Variants in PMP22 observed in about 807,000 individuals in gnomAD.
The protein encoded by PMP22 is Charcot-Marie-Tooth neuropathy 1A (greatly reduced nerve conduction velocity, hereditary motor sensory neuropathy Ia).
In PMP22, 2 loss-of-function variants were observed where a neutral mutation model predicts 18.9. The observed-to-expected ratio is 0.11, with a 90% CI of 0.04 to 0.33. The LOEUF (loss-of-function observed/expected upper bound fraction) is 0.33. PMP22 is among the 10% of genes least tolerant of loss of function. The pLI is 1.00. For missense variants in PMP22, 169 were observed against 202.2 expected, an observed-to-expected ratio of 0.84 and a Z score of 1.00; for synonymous variants, 95 against 89.2, an observed-to-expected ratio of 1.07 and a Z score of -0.37.
rs117789746 is a variant in PMP22, at chr17:15,263,425, T to C, written c.-35+1729A>G. On this transcript the variant is annotated intron_variant, in intron 1 of 4. Transcript: ENST00000312280. ...CCTCCTAACGTGGCCCGCCCAGCGT[T>C]ACAGGGAGAGAGGCTAGCCCCCTTC... 7.8e-3 allele frequency among the ~76,000 whole-genome samples: 1,189 copies of C among 152,162 alleles called. 7 individuals are homozygous for C. The highest frequency in any genetic ancestry group is 0.012 in the Non-Finnish European group (825 of 67,986).
intron 4 of PMP22, among the ~76,000 whole-genome samples, chr17:15,231,834 G>C (rs994807148): frequency 6.6e-6 from 1 of 152,178 alleles, no homozygotes; most frequent in African/African-American, 2.4e-5. Context: ...GGTGGGTCAG[G>C]CCACCCTCCC....
chr17:15,253,949 C>T (rs142309541), intron 3 of PMP22, among the ~76,000 whole-genome samples: 247 of 152,282 alleles, frequency 1.6e-3, no homozygotes, highest in African/African-American at 5.6e-3. Context: ...AACCTTAGCA[C>T]CTGCAATAGT....
chr17:15,242,937 T>G (rs1192800879), intron 3 of PMP22, among the ~76,000 whole-genome samples: 1 of 152,046 alleles, frequency 6.6e-6, no homozygotes, highest in Non-Finnish European at 1.5e-5. Flanking sequence ...TTCCAGATAA[T>G]TCCTCGGATT....
At position 15,245,045 on chromosome 17, in the gene PMP22, T is replaced by C. The variant is rs1049241356; in HGVS notation, c.179-5434A>G. 5.8e-4 allele frequency among the ~76,000 whole-genome samples: 88 copies of C among 152,102 alleles called. 1 individual carries two copies. The highest frequency in any genetic ancestry group is 2.1e-3 in the African/African-American group (86 of 41,490). On this transcript the variant is annotated intron_variant, in intron 3 of 4. Transcript: ENST00000312280. ...ACATGCCCAGGAAAACAACAAGGGA[T>C]TTTCCTTTCCTCCAGTGCCATTGAT...
At chr17:15,241,652 C>G (rs763963614) in intron 3 of PMP22, among the ~76,000 whole-genome samples, 1 of 152,168 alleles carries the variant, frequency 6.6e-6, no homozygotes, top group Non-Finnish European at 1.5e-5. Context: ...CAGAAAGTGT[C>G]TAATATTTAA....
chr17:15,251,881 CA>C (rs1044508656), intron 3 of PMP22, among the ~76,000 whole-genome samples: 3 of 151,884 alleles, frequency 2.0e-5, no homozygotes, highest in African/African-American at 7.3e-5. Flanking sequence ...CTATAGATTC[CA>C]GGTCATACAG....
chr17:15,262,943 G>T, intron 1 of PMP22, among the ~76,000 whole-genome samples: 1 of 152,212 alleles, frequency 6.6e-6, no homozygotes, highest in South Asian at 2.1e-4. Flanking sequence ...CGCCCGCGCG[G>T]GGCTGAGGCT....
rs144077495 is a variant in PMP22, at chr17:15,230,977, C to A, written c.423G>T (p.Val141=). 40 of 1,614,038 alleles carry A rather than the reference C, an allele frequency of 2.5e-5. No homozygotes were observed. In the African/African-American group the frequency reaches 5.1e-4, roughly 20 times the overall value. ...CGCTGAGAAGGGCCAGGGGGAAGGC[C>A]ACCCAGGCCAGGATGTAGGCGAAAC... ...SYGFAYILAW[V]AFPLALLSGV... Residue 141 remains valine, a synonymous_variant, in exon 5 of 5, where the codon GTG becomes GTT. Transcript: ENST00000312280.
chr17:15,259,817 C>T (rs1019120949), intron 2 of PMP22, among the ~76,000 whole-genome samples: 2 of 150,306 alleles, frequency 1.3e-5, no homozygotes, highest in East Asian at 2.0e-4. Flanking sequence ...GGCGTGGTGG[C>T]GGGCACCTGT....
At chr17:15,250,542 C>T (rs992856925) in intron 3 of PMP22, among the ~76,000 whole-genome samples, 1 of 152,176 alleles carries the variant, frequency 6.6e-6, no homozygotes. Flanking sequence ...ATCCTGATTT[C>T]TACACCTTCC....
chr17:15,231,813 C>T (rs230941), intron 4 of PMP22, among the ~76,000 whole-genome samples: 87,618 of 152,058 alleles, frequency 0.58, 26,183 homozygotes, highest in African/African-American at 0.75. Flanking sequence ...CTAAAGGGCA[C>T]TGGATATGCA....
chr17:15,249,926 C>CT (rs1908175987), intron 3 of PMP22, among the ~76,000 whole-genome samples: 1 of 152,070 alleles, frequency 6.6e-6, no homozygotes, highest in Admixed American at 6.5e-5. Flanking sequence ...AAGGTAATTT[C>CT]TTTTTTTGAG....
In PMP22 at chr17:15,230,629, G is replaced by A. The variant is rs898926805; in HGVS notation, c.*288C>T. On this transcript the variant is annotated 3_prime_UTR_variant, in exon 5 of 5. Coordinates refer to ENST00000312280, the MANE Select transcript of PMP22 (RefSeq NM_000304.4). ...CTGAGCTGGATTATACTGTTAGGATGTAAAGTTCCTTAGCTACTTCTTTAA... is the reference window on the plus strand; with the variant it reads ...CTGAGCTGGATTATACTGTTAGGATATAAAGTTCCTTAGCTACTTCTTTAA... 3 of 445,990 alleles carry A rather than the reference G, an allele frequency of 6.7e-6. No homozygotes were observed. The highest frequency in any genetic ancestry group is 8.3e-6 in the Non-Finnish European group (2 of 241,510). 27.6% of individuals were successfully genotyped at this position (445,990 alleles called of 1,614,324 possible).
At position 15,259,073 on chromosome 17, in the gene PMP22, G is replaced by A. The variant is rs202053202; in HGVS notation, c.178+21C>T. 1.2e-5 allele frequency: 19 copies of A among 1,556,376 alleles called. No individual in the cohort carries two copies. The East Asian group carries it at 1.3e-4, about 11-fold the overall frequency. On this transcript the variant is annotated intron_variant, in intron 3 of 4. Transcript: ENST00000312280. The stretch of plus-strand genomic sequence containing the variant: ...TACAGGCGTCTGAGGACAAGCTCAT[G>A]GAGCACAAAACCAGCCTCACCGTTT...
rs1909234047 is a variant in PMP22 at position 15,260,630 on chromosome 17, C to T, written c.78+20G>A. The T allele has an allele frequency of 3.9e-6, 6 of 1,545,670 alleles. No individual in the cohort carries two copies. The highest frequency in any genetic ancestry group is 1.8e-4 in the Middle Eastern group (1 of 5,684). On this transcript the variant is annotated intron_variant, in intron 2 of 4. Transcript: ENST00000312280. ...GGGGAAGGGCGGGCCGCGCAGGGAG[C>T]CTCCCCGCCAGGCACTCACGCTGAC... is the stretch of plus-strand genomic sequence containing the variant.
chr17:15,256,886 A>G (rs1477322949), intron 3 of PMP22, among the ~76,000 whole-genome samples: 2 of 152,212 alleles, frequency 1.3e-5, no homozygotes, highest in Non-Finnish European at 2.9e-5. Context: ...AAGTGCTGCC[A>G]CGTTGGGGAA....
intron 2 of PMP22, chr17:15,260,235 C>T: frequency 3.8e-6 from 1 of 262,534 alleles, no homozygotes; most frequent in South Asian, 4.5e-5. Context: ...TTTAACTTTC[C>T]AATTTCAAGT....
chr17:15,259,276 G>C, intron 2 of PMP22, 83 bp from the exon 3 acceptor site: 2 of 1,122,416 alleles, frequency 1.8e-6, no homozygotes, highest in Middle Eastern at 1.9e-4. Flanking sequence ...CCCAGGGATG[G>C]CGAAAAGCAC....
intron 4 of PMP22, among the ~76,000 whole-genome samples, chr17:15,234,353 T>C (rs1906610775): frequency 6.6e-6 from 1 of 152,176 alleles, no homozygotes; most frequent in Non-Finnish European, 1.5e-5. Flanking sequence ...AAGTGTACTT[T>C]GGTAACCTCG....
Sources: gnomAD v4.1 joint callset for allele counts (sites outside exome capture counted in the v4.1 genomes callset) on GRCh38, gnomAD v4.1.1 for gene constraint, MANE v1.5 for transcripts, NCBI Gene and HGNC (gene_info 2026-07-23, HGNC 2026-07-21) for gene names.